Variants in PKP4 observed in about 807,000 individuals in gnomAD.
PKP4 encodes the protein plakophilin 4.
Under a neutral mutation model 145.1 loss-of-function variants are expected in PKP4, and 90 were observed. The ratio of observed to expected loss-of-function variants is 0.62; its 90% CI spans 0.52 to 0.74. The LOEUF (loss-of-function observed/expected upper bound fraction) is 0.74, where lower values mean the gene tolerates loss of function less well. PKP4 is among the 30% of genes least tolerant of loss of function. The pLI, the probability that PKP4 is intolerant of heterozygous loss-of-function variation, is 0.00. For synonymous variants in PKP4, 563 were observed against 577.2 expected, an observed-to-expected ratio of 0.98 and a Z score of 0.35; for missense variants, 1,340 against 1,482.7, an observed-to-expected ratio of 0.90 and a Z score of 1.58.
chr2:158,524,353 C>A, intron 1 of PKP4, among the ~76,000 whole-genome samples: 1 of 71,210 alleles, frequency 1.4e-5, no homozygotes, highest in Admixed American at 1.9e-4. Flanking sequence ...AAAGAATTTT[C>A]AACCCAGAAT....
intron 16 of PKP4, among the ~76,000 whole-genome samples, chr2:158,666,883 A>G (rs749779878): frequency 6.6e-5 from 10 of 152,152 alleles, no homozygotes; most frequent in Non-Finnish European, 1.2e-4. Flanking sequence ...AAAAATCTTA[A>G]TCTCCCTTTC....
At chr2:158,664,716 T>G (rs1000028169) in intron 15 of PKP4, among the ~76,000 whole-genome samples, 4 of 152,144 alleles carry the variant, frequency 2.6e-5, no homozygotes, top group African/African-American at 4.8e-5. Flanking sequence ...AGTGACTGAG[T>G]GTGTAAGTGC....
At chr2:158,544,546 C>T (rs998579947) in intron 2 of PKP4, among the ~76,000 whole-genome samples, 8 of 151,990 alleles carry the variant, frequency 5.3e-5, no homozygotes, top group Admixed American at 3.9e-4. Context: ...GAAAAGTCCT[C>T]GTTATATTGT....
intron 1 of PKP4, among the ~76,000 whole-genome samples, chr2:158,520,608 T>C (rs2042290063): frequency 6.6e-6 from 1 of 152,202 alleles, no homozygotes; most frequent in South Asian, 2.1e-4. Context: ...AAAATATACA[T>C]ACAATTAAAA....
chr2:158,506,364 TA>T (rs2040976468), intron 1 of PKP4, among the ~76,000 whole-genome samples: 1 of 152,336 alleles, frequency 6.6e-6, no homozygotes, highest in South Asian at 2.1e-4. Flanking sequence ...GGTATTTAAG[TA>T]AAGGTATTAA....
intron 2 of PKP4, among the ~76,000 whole-genome samples, chr2:158,565,057 T>C (rs2046858500): frequency 6.6e-6 from 1 of 152,230 alleles, no homozygotes; most frequent in African/African-American, 2.4e-5. Flanking sequence ...AGTCCAACTC[T>C]TCACTTACTA....
intron 11 of PKP4, among the ~76,000 whole-genome samples, chr2:158,649,902 C>G (rs2055195394): frequency 6.6e-6 from 1 of 152,214 alleles, no homozygotes; most frequent in Non-Finnish European, 1.5e-5. Context: ...CTGGAGGCAC[C>G]TTTGTCTCTA....
intron 2 of PKP4, among the ~76,000 whole-genome samples, chr2:158,537,421 A>G (rs1228725929): frequency 1.3e-5 from 2 of 152,214 alleles, no homozygotes; most frequent in Non-Finnish European, 2.9e-5. Context: ...TGTTATGTGT[A>G]TCAGGTGATA....
At chr2:158,568,779 G>T (rs764403745) in intron 2 of PKP4, among the ~76,000 whole-genome samples, 3 of 152,096 alleles carry the variant, frequency 2.0e-5, no homozygotes, top group Non-Finnish European at 4.4e-5. Flanking sequence ...TTCACAACCA[G>T]CCTGGCCAAC....
chr2:158,658,329 T>C lies in PKP4; in HGVS notation c.2093+15T>C. 6 of 1,505,022 alleles carry C rather than the reference T, an allele frequency of 4.0e-6. No homozygotes were observed. Among genetic ancestry groups the C allele is most frequent in the Non-Finnish European group, 5.5e-6 (6 of 1,096,484 alleles). 93.2% of individuals were successfully genotyped at this position (1,505,022 alleles called of 1,614,324 possible). A position where few individuals can be genotyped will look rare whatever the true frequency, so the allele number is the denominator to read the frequency against. On this transcript the variant is annotated intron_variant, in intron 12 of 21. Coordinates refer to ENST00000389759, the MANE Select transcript of PKP4 (RefSeq NM_003628.6). The stretch of plus-strand genomic sequence containing the variant: ...GGTTGCCTAAGGTAAATTCTTTATT[T>C]CTTCTTTCCAGTTAATTCTGTGATT...
chr2:158,495,166 C>T (rs1043479179), intron 1 of PKP4, among the ~76,000 whole-genome samples: 2 of 150,828 alleles, frequency 1.3e-5, no homozygotes, highest in East Asian at 1.9e-4. Context: ...TGCAGTGAGC[C>T]GAGATTGCAC....
chr2:158,680,440 GT>G lies in PKP4; in HGVS notation c.3343del (p.Tyr1115IlefsTer48), dbSNP rs2058367700. ...CATTTTGTCAACAGCATCAACAGCTGTATTATAGTCAAGATGACTCCAACAG... is the reference window on the plus strand; with the variant it reads ...CATTTTGTCAACAGCATCAACAGCTGATTATAGTCAAGATGACTCCAACAG... The part of the protein sequence containing the change: ...QNRRLQHQQL[Y>X]YSQDDSNRKN... On this transcript the variant is annotated frameshift_variant, in exon 22 of 22. Coordinates refer to ENST00000389759, the MANE Select transcript of PKP4 (RefSeq NM_003628.6). LOFTEE classifies it high-confidence loss of function. 1.9e-6 allele frequency: 3 copies of G among 1,609,220 alleles called. No individual in the cohort carries two copies. The African/African-American group carries it at 4.0e-5, about 22-fold the overall frequency.
intron 2 of PKP4, among the ~76,000 whole-genome samples, chr2:158,554,768 A>G (rs2045948418): frequency 6.6e-6 from 1 of 152,146 alleles, no homozygotes; most frequent in Non-Finnish European, 1.5e-5. Flanking sequence ...TGGTCTTGCC[A>G]CTTTCTCTAT....
intron 16 of PKP4, among the ~76,000 whole-genome samples, chr2:158,668,298 A>C (rs1187924536): frequency 6.6e-6 from 1 of 151,112 alleles, no homozygotes; most frequent in Non-Finnish European, 1.5e-5. Context: ...GCTCTAATTT[A>C]CCCAGTACTT....
At chr2:158,611,933 A>G (rs1272904169) in intron 4 of PKP4, among the ~76,000 whole-genome samples, 6 of 151,984 alleles carry the variant, frequency 3.9e-5, no homozygotes, top group African/African-American at 1.5e-4. Flanking sequence ...CTTTTTACCA[A>G]CTGCAGTGCT....
chr2:158,484,065 C>T (rs1357409196), intron 1 of PKP4, among the ~76,000 whole-genome samples: 1 of 141,308 alleles, frequency 7.1e-6, no homozygotes, highest in Non-Finnish European at 1.5e-5. Flanking sequence ...GACGGAGTCT[C>T]GCTCTGTCGC....
chr2:158,507,341 A>G (rs572914204), intron 1 of PKP4, among the ~76,000 whole-genome samples: 3 of 152,302 alleles, frequency 2.0e-5, no homozygotes, highest in African/African-American at 7.2e-5. Flanking sequence ...CTTTGTTGTG[A>G]TGTAATTTCA....
In PKP4 at chr2:158,674,000, G is replaced by T; in HGVS notation, c.3127G>T (p.Val1043Phe). 6.5e-7 allele frequency: 1 copy of T among 1,533,434 alleles called. No homozygotes were observed. Among genetic ancestry groups the T allele is most frequent in the Non-Finnish European group, 9.0e-7 (1 of 1,106,182 alleles). 95.0% of individuals were successfully genotyped at this position (1,533,434 alleles called of 1,614,324 possible). A position where few individuals can be genotyped will look rare whatever the true frequency, so the allele number is the denominator to read the frequency against. ...ACAGATGTCACCCATCATTCAGTCA[G>T]GTCAGTGGGAAAATGCCACTCCTTG... is the stretch of plus-strand genomic sequence containing the variant. ...NQQMSPIIQSVGSTSSSPALL... is the reference protein window; with the variant it reads ...NQQMSPIIQSFGSTSSSPALL... The change falls in exon 19 of 22, where the codon GTC becomes TTC. Residue 1043 changes from valine (V) to phenylalanine (F), a missense_variant and splice_region_variant. Val to Phe is a conservative substitution (Grantham distance 50, BLOSUM62 -1). Transcript: ENST00000389759.
At chr2:158,502,101 C>T (rs1696669155) in intron 1 of PKP4, among the ~76,000 whole-genome samples, 1 of 152,100 alleles carries the variant, frequency 6.6e-6, no homozygotes, top group Non-Finnish European at 1.5e-5. Context: ...ATTGACTTTG[C>T]TTTATTGCAT....
Sources: allele counts gnomAD v4.1 joint callset (sites outside exome capture counted in the v4.1 genomes callset), GRCh38; gene constraint gnomAD v4.1.1; transcripts MANE v1.5; gene names NCBI Gene and HGNC (gene_info 2026-07-23, HGNC 2026-07-21).